Variants in CNTN5 observed in about 807,000 individuals in gnomAD.
The protein encoded by CNTN5 is contactin-5.
CNTN5 carries 77 observed loss-of-function variants against 129.1 expected under a neutral mutation model. That is an observed-to-expected ratio of 0.60 (90% CI 0.50 to 0.72). The LOEUF is 0.72. CNTN5 is among the 30% of genes least tolerant of loss of function. The probability of loss-of-function intolerance (pLI) is 0.00; values close to 1 mark genes in which losing one functional copy is unlikely to be tolerated. For synonymous variants in CNTN5, 509 were observed against 465.6 expected (o/e 1.09, Z -1.20); for missense variants, 1,478 against 1,328.8 (o/e 1.11, Z -1.75).
chr11:100,000,234 A>G (rs1939772044), intron 8 of CNTN5, among the ~76,000 whole-genome samples: 1 of 152,156 alleles, frequency 6.6e-6, no homozygotes, highest in South Asian at 2.1e-4. Context: ...AGTCCTTTCC[A>G]CCTATGAGCC....
chr11:99,768,622 G>A (rs80248814), intron 3 of CNTN5, among the ~76,000 whole-genome samples: 3,024 of 152,128 alleles, frequency 0.02, 93 homozygotes, highest in East Asian at 0.13. Context: ...TTGGATTTAC[G>A]TGATGATTTC....
chr11:99,984,863 G>C (rs1938572259), intron 8 of CNTN5, among the ~76,000 whole-genome samples: 1 of 152,146 alleles, frequency 6.6e-6, no homozygotes, highest in Non-Finnish European at 1.5e-5. Flanking sequence ...CGCTTTGTCA[G>C]ACTTGCAACA....
At chr11:99,785,360 C>T (rs954871626) in intron 3 of CNTN5, among the ~76,000 whole-genome samples, 5 of 152,062 alleles carry the variant, frequency 3.3e-5, no homozygotes, top group Non-Finnish European at 7.3e-5. Flanking sequence ...TGTCTGTTCA[C>T]TCTGATGATA....
At chr11:100,078,927 TCA>T (rs1944252544) in intron 13 of CNTN5, among the ~76,000 whole-genome samples, 1 of 152,076 alleles carries the variant, frequency 6.6e-6, no homozygotes, top group South Asian at 2.1e-4. Flanking sequence ...TTTGATTGAC[TCA>T]CAGTTCAGCA....
intron 1 of CNTN5, chr11:99,120,509 C>T (rs7342245): frequency 1.8e-3 from 272 of 152,314 alleles, no homozygotes; most frequent in African/African-American, 6.4e-3. Flanking sequence ...AGGACCACTG[C>T]ATTCTTAGTT....
chr11:99,109,333 T>C (rs1204150128), intron 1 of CNTN5, among the ~76,000 whole-genome samples: 2 of 152,134 alleles, frequency 1.3e-5, no homozygotes. Context: ...TTTTAAAAAT[T>C]ATATGTGTAG....
At chr11:99,721,251 C>T (rs1315662090) in intron 3 of CNTN5, among the ~76,000 whole-genome samples, 1 of 152,074 alleles carries the variant, frequency 6.6e-6, no homozygotes, top group Non-Finnish European at 1.5e-5. Context: ...TACAAGGCTA[C>T]AGTAATCAAA....
chr11:99,497,848 TA>T (rs1316167421), intron 2 of CNTN5, among the ~76,000 whole-genome samples: 1 of 152,166 alleles, frequency 6.6e-6, no homozygotes, highest in Non-Finnish European at 1.5e-5. Context: ...AACTGCTTGT[TA>T]AATACACTAC....
chr11:99,504,489 C>A (rs1946542643), intron 2 of CNTN5, among the ~76,000 whole-genome samples: 1 of 144,096 alleles, frequency 6.9e-6, no homozygotes, highest in African/African-American at 2.6e-5. Flanking sequence ...TGCAGTGAGC[C>A]ACTGCACGCC....
At chr11:99,578,285 A>T (rs1162386464) in intron 3 of CNTN5, among the ~76,000 whole-genome samples, 1 of 151,934 alleles carries the variant, frequency 6.6e-6, no homozygotes, top group Non-Finnish European at 1.5e-5. Context: ...GCCACAATAA[A>T]CATACGTGTG....
At chr11:99,241,391 C>G (rs17133349) in intron 1 of CNTN5, among the ~76,000 whole-genome samples, 7,796 of 112,904 alleles carry the variant, frequency 0.069, 746 homozygotes, top group African/African-American at 0.24. Flanking sequence ...GTGTTCTCTT[C>G]GGAGATGTGA....
intron 13 of CNTN5, among the ~76,000 whole-genome samples, chr11:100,136,191 G>T (rs1591300385): frequency 6.6e-6 from 1 of 152,206 alleles, no homozygotes; most frequent in South Asian, 2.1e-4. Flanking sequence ...ACAACCATCA[G>T]CATAACACTG....
intron 13 of CNTN5, among the ~76,000 whole-genome samples, chr11:100,169,223 G>T (rs1198159962): frequency 6.6e-6 from 1 of 151,974 alleles, no homozygotes; most frequent in African/African-American, 2.4e-5. Flanking sequence ...TTTGAAGAGG[G>T]TTGACTCCTA....
At chr11:100,235,546 C>T (rs1263612475) in intron 16 of CNTN5, among the ~76,000 whole-genome samples, 1 of 151,898 alleles carries the variant, frequency 6.6e-6, no homozygotes, top group Non-Finnish European at 1.5e-5. Context: ...CCAAAGCAGC[C>T]CTAACTAAGG....
intron 2 of CNTN5, among the ~76,000 whole-genome samples, chr11:99,513,309 C>T (rs1769396447): frequency 1.3e-5 from 2 of 152,064 alleles, no homozygotes; most frequent in Admixed American, 1.3e-4. Context: ...AAGCTTTTTC[C>T]ATAACAAAGT....
At chr11:99,531,851 G>T (rs542965605) in intron 2 of CNTN5, among the ~76,000 whole-genome samples, 6 of 152,186 alleles carry the variant, frequency 3.9e-5, no homozygotes, top group Non-Finnish European at 8.8e-5. Context: ...ACACCTGGCC[G>T]CCCAGGCAAA....
At chr11:99,681,107 G>A (rs941524061) in intron 3 of CNTN5, among the ~76,000 whole-genome samples, 4 of 152,126 alleles carry the variant, frequency 2.6e-5, no homozygotes, top group South Asian at 2.1e-4. Context: ...AAACTTGAAC[G>A]GATGAAGAGT....
chr11:100,158,055 G>T (rs2138344134), intron 13 of CNTN5, among the ~76,000 whole-genome samples: 1 of 151,760 alleles, frequency 6.6e-6, no homozygotes, highest in East Asian at 2.0e-4. Flanking sequence ...AAACAAAAGT[G>T]GCAACCATTG....
chr11:99,175,158 C>T (rs971385966), intron 1 of CNTN5, among the ~76,000 whole-genome samples: 1 of 152,082 alleles, frequency 6.6e-6, no homozygotes, highest in Non-Finnish European at 1.5e-5. Context: ...TGCTTGAGCC[C>T]AGGAGCTCAA....
Sources: gnomAD v4.1 joint callset for allele counts (sites outside exome capture counted in the v4.1 genomes callset) on GRCh38, gnomAD v4.1.1 for gene constraint, MANE v1.5 for transcripts, NCBI Gene and HGNC (gene_info 2026-07-23, HGNC 2026-07-21) for gene names.